EBF2: variants seen among roughly 807,000 people sequenced by gnomAD.
The protein encoded by EBF2 is transcription factor COE2.
EBF2 carries 21 observed loss-of-function variants against 72.8 expected under a neutral mutation model. The ratio of observed to expected loss-of-function variants is 0.29; its 90% CI spans 0.20 to 0.42. The LOEUF (loss-of-function observed/expected upper bound fraction) is 0.42. EBF2 is among the 10% of genes least tolerant of loss of function. The pLI is 1.00. For synonymous variants in EBF2, 299 were observed against 274.2 expected, an observed-to-expected ratio of 1.09 and a Z score of -0.89; for missense variants, 637 against 731.2, an observed-to-expected ratio of 0.87 and a Z score of 1.49.
At chr8:25,862,922 G>A (rs1042781641) in intron 10 of EBF2, 125 bp from the exon 11 acceptor site, 5 of 468,960 alleles carry the variant, frequency 1.1e-5, no homozygotes, top group Non-Finnish European at 1.7e-5. Context: ...TAGGGTTTTT[G>A]CTATCGACAT....
intron 7 of EBF2, among the ~76,000 whole-genome samples, chr8:25,896,712 C>A (rs1310240169): frequency 1.3e-5 from 2 of 152,182 alleles, no homozygotes; most frequent in Non-Finnish European, 2.9e-5. Flanking sequence ...GGCGAGCGAC[C>A]AAGCTGCAGT....
At chr8:25,987,811 C>T (rs1388872507) in intron 6 of EBF2, among the ~76,000 whole-genome samples, 4 of 151,996 alleles carry the variant, frequency 2.6e-5, no homozygotes, top group African/African-American at 4.8e-5. Context: ...CCCTCAGGGG[C>T]TTCAAGCATT....
intron 6 of EBF2, among the ~76,000 whole-genome samples, chr8:25,923,881 G>A (rs557685623): frequency 6.6e-6 from 1 of 152,234 alleles, no homozygotes; most frequent in East Asian, 1.9e-4. Context: ...AAAGCAGTTA[G>A]CAGATTAATT....
chr8:25,886,080 T>A (rs1215352476), intron 10 of EBF2, among the ~76,000 whole-genome samples: 1 of 152,170 alleles, frequency 6.6e-6, no homozygotes. Context: ...TCAATTTCCA[T>A]CTCTTCCTTG....
intron 6 of EBF2, among the ~76,000 whole-genome samples, chr8:25,909,510 G>A (rs575156443): frequency 1.5e-4 from 23 of 151,576 alleles, no homozygotes; most frequent in Non-Finnish European, 2.4e-4. Context: ...CAGTCCCAAA[G>A]TCCCTTCAGA....
chr8:25,870,948 C>T (rs536340545), intron 10 of EBF2, among the ~76,000 whole-genome samples: 2 of 152,120 alleles, frequency 1.3e-5, no homozygotes, highest in East Asian at 3.9e-4. Context: ...CACATACACA[C>T]CGACAGAATT....
chr8:25,916,092 C>T (rs1426362262), intron 6 of EBF2, among the ~76,000 whole-genome samples: 1 of 151,932 alleles, frequency 6.6e-6, no homozygotes, highest in South Asian at 2.1e-4. Context: ...TTGAGACCAG[C>T]CTAGTCAACA....
chr8:25,855,642 C>T (rs1472563212), intron 14 of EBF2, among the ~76,000 whole-genome samples: 4 of 152,102 alleles, frequency 2.6e-5, no homozygotes, highest in Admixed American at 1.3e-4. Context: ...AAAATGTTTT[C>T]CCCCGGGCTT....
At chr8:25,928,747 TGG>T (rs1299356861) in intron 6 of EBF2, among the ~76,000 whole-genome samples, 2 of 129,474 alleles carry the variant, frequency 1.5e-5, no homozygotes, top group African/African-American at 6.0e-5. Context: ...CTAGGCTACA[TGG>T]GATAATGATT....
intron 10 of EBF2, among the ~76,000 whole-genome samples, chr8:25,863,561 G>T (rs1377733348): frequency 6.6e-6 from 1 of 151,862 alleles, no homozygotes; most frequent in Non-Finnish European, 1.5e-5. Context: ...TTCTTTAAAA[G>T]TTTCTTGTTT....
At chr8:25,994,318 G>A (rs1028073630) in intron 6 of EBF2, among the ~76,000 whole-genome samples, 2 of 152,048 alleles carry the variant, frequency 1.3e-5, no homozygotes, top group African/African-American at 2.4e-5. Context: ...AAAAGAATAG[G>A]AATGATGTAA....
chr8:26,020,932 C>T lies in EBF2; in HGVS notation c.551+12153G>A, dbSNP rs539477018. On this transcript the variant is annotated intron_variant, in intron 6 of 15. Coordinates refer to ENST00000520164, the MANE Select transcript of EBF2 (RefSeq NM_022659.4). Reference sequence around the variant, plus strand: ...AAGTAAAGTCTGGCTCTTGTTCAAGCGTCAGCCACAACCAAGAAGAGAGAG... The same window carrying T: ...AAGTAAAGTCTGGCTCTTGTTCAAGTGTCAGCCACAACCAAGAAGAGAGAG... Among the ~76,000 whole-genome samples the T allele has an allele frequency of 5.1e-4, 77 of 152,270 alleles. No homozygotes were observed. The East Asian group carries it at 0.013, about 26-fold the overall frequency.
At chr8:25,911,462 T>G (rs1253399828) in intron 6 of EBF2, among the ~76,000 whole-genome samples, 1 of 152,158 alleles carries the variant, frequency 6.6e-6, no homozygotes, top group Non-Finnish European at 1.5e-5. Flanking sequence ...AACCTTCAGA[T>G]GGCAATCCGG....
chr8:25,908,704 C>G, intron 6 of EBF2, 149 bp from the exon 7 acceptor site: 2 of 619,878 alleles, frequency 3.2e-6, no homozygotes, highest in Non-Finnish European at 5.6e-6. Context: ...ACACTGCTGA[C>G]CCTCTGCAAT....
At chr8:25,959,897 G>A (rs892080911) in intron 6 of EBF2, among the ~76,000 whole-genome samples, 4 of 152,156 alleles carry the variant, frequency 2.6e-5, no homozygotes, top group Non-Finnish European at 4.4e-5. Flanking sequence ...AAAGGACTAG[G>A]TAGTATGGTC....
chr8:25,874,097 C>T (rs563925596), intron 10 of EBF2, among the ~76,000 whole-genome samples: 11 of 152,244 alleles, frequency 7.2e-5, no homozygotes, highest in African/African-American at 2.4e-4. Context: ...TTTCTGATGT[C>T]TGAATTGGGT....
chr8:26,005,466 A>T (rs564452158), intron 6 of EBF2, among the ~76,000 whole-genome samples: 594 of 28,498 alleles, frequency 0.021, 7 homozygotes, highest in African/African-American at 0.067. Flanking sequence ...TATATTATAA[A>T]ATATAATATT....
At chr8:25,875,685 C>A (rs1465675566) in intron 10 of EBF2, among the ~76,000 whole-genome samples, 9 of 152,188 alleles carry the variant, frequency 5.9e-5, no homozygotes, top group Admixed American at 2.6e-4. Flanking sequence ...ATTGTGTTCA[C>A]AGTGAAAGGA....
chr8:26,038,661 T>C (rs1409410696), intron 5 of EBF2, among the ~76,000 whole-genome samples: 3 of 152,242 alleles, frequency 2.0e-5, no homozygotes, highest in African/African-American at 7.2e-5. Context: ...GTATTTTCTT[T>C]CTGAACAAAT....
Sources: gnomAD v4.1 joint callset for allele counts (sites outside exome capture counted in the v4.1 genomes callset) on GRCh38, gnomAD v4.1.1 for gene constraint, MANE v1.5 for transcripts, NCBI Gene and HGNC (gene_info 2026-07-23, HGNC 2026-07-21) for gene names.